ATP8A1: variants seen among roughly 807,000 people sequenced by gnomAD.
ATP8A1 encodes phospholipid-transporting ATPase IA.
A neutral mutation model predicts 177.7 loss-of-function variants in ATP8A1; 90 were observed. The observed-to-expected ratio is 0.51, with a 90% confidence interval of 0.43 to 0.60. The LOEUF is 0.60. Ranked by LOEUF, ATP8A1 falls within the 20% of genes least tolerant of loss-of-function variation. ATP8A1 has a pLI of 0.00. For missense variants in ATP8A1, 1,072 were observed against 1,392.8 expected (o/e 0.77, Z 3.67); for synonymous variants, 493 against 485.9 (o/e 1.01, Z -0.19).
chr4:42,417,120 G>A (rs1033759754), intron 35 of ATP8A1, among the ~76,000 whole-genome samples: 1 of 152,118 alleles, frequency 6.6e-6, no homozygotes, highest in Non-Finnish European at 1.5e-5. Context: ...TTCACAGGAG[G>A]TTGCTAAATA....
chr4:42,446,200 C>T (rs1156857752), intron 31 of ATP8A1, among the ~76,000 whole-genome samples: 1 of 151,676 alleles, frequency 6.6e-6, no homozygotes, highest in Non-Finnish European at 1.5e-5. Flanking sequence ...ACGCTCTGAT[C>T]TATTTCTACC....
At chr4:42,444,713 A>G in intron 31 of ATP8A1, 79 bp from the exon 32 acceptor site, 1 of 1,388,992 alleles carries the variant, frequency 7.2e-7, no homozygotes, top group Non-Finnish European at 1.0e-6. Context: ...TATAAAGAAC[A>G]GAGATCTCTG....
At position 42,616,061 on chromosome 4, in the gene ATP8A1, A is replaced by G. The variant is rs1451850749; in HGVS notation, c.381T>C (p.Asp127=). 1 of 1,612,114 alleles carries G rather than the reference A, an allele frequency of 6.2e-7. No homozygotes were observed. The change falls in exon 5 of 37, where the codon GAT becomes GAC. Residue 127 remains aspartate, a synonymous_variant. Coordinates refer to ENST00000381668, the MANE Select transcript of ATP8A1 (RefSeq NM_006095.2). ...GCGTTTGTTTCTTGTTCACTGCATT[A>G]TCAGCTTTATGTCGTTTCTAAAGTT... ...IIEDIKRHKA[D]NAVNKKQTQV...
chr4:42,425,317 GGCT>G (rs1714468453), intron 33 of ATP8A1, among the ~76,000 whole-genome samples: 1 of 152,156 alleles, frequency 6.6e-6, no homozygotes, highest in South Asian at 2.1e-4. Context: ...GGAGATTCAA[GGCT>G]GCTAATTCTG....
At chr4:42,615,122 C>A (rs1445235605) in intron 5 of ATP8A1, among the ~76,000 whole-genome samples, 1 of 152,090 alleles carries the variant, frequency 6.6e-6, no homozygotes, top group Non-Finnish European at 1.5e-5. Flanking sequence ...GTTGAAATTC[C>A]CGTCTTATAC....
intron 14 of ATP8A1, among the ~76,000 whole-genome samples, chr4:42,570,994 A>AAT (rs1322078491): frequency 6.6e-6 from 1 of 152,202 alleles, no homozygotes; most frequent in Non-Finnish European, 1.5e-5. Flanking sequence ...GGCAGGAGGA[A>AAT]ATCATGTGAA....
intron 1 of ATP8A1, among the ~76,000 whole-genome samples, chr4:42,631,438 G>C (rs1383184050): frequency 6.6e-6 from 1 of 152,196 alleles, no homozygotes; most frequent in Non-Finnish European, 1.5e-5. Context: ...AGATTGGCCT[G>C]TGTAGAAGTT....
rs543012261 is a variant in ATP8A1 at position 42,542,591 on chromosome 4, T to C, written c.1722+1326A>G. Among the ~76,000 whole-genome samples the C allele has an allele frequency of 2.9e-3, 437 of 152,138 alleles. 5 individuals carry two copies. The highest frequency in any genetic ancestry group is 0.01 in the African/African-American group (415 of 41,500). On this transcript the variant is annotated intron_variant, in intron 20 of 36. Transcript: ENST00000381668. ...TATTTCTCCTAATGCTATCCCTCCC[T>C]CAGCCCCCCACCCTGCAACGGTGTG...
chr4:42,507,666 T>A (rs1204297694), intron 22 of ATP8A1, among the ~76,000 whole-genome samples: 1 of 134,938 alleles, frequency 7.4e-6, no homozygotes, highest in Non-Finnish European at 1.5e-5. Context: ...GAGGCAGGGG[T>A]TGCAGGTGAG....
At chr4:42,623,680 T>C (rs966800055) in intron 4 of ATP8A1, among the ~76,000 whole-genome samples, 4 of 152,114 alleles carry the variant, frequency 2.6e-5, no homozygotes, top group Admixed American at 6.5e-5. Context: ...GAACACCACA[T>C]ACTGAGGCGC....
At chr4:42,542,443 A>T (rs1262323629) in intron 20 of ATP8A1, among the ~76,000 whole-genome samples, 1 of 152,030 alleles carries the variant, frequency 6.6e-6, no homozygotes, top group Non-Finnish European at 1.5e-5. Flanking sequence ...TTTAAAAAAA[A>T]TTATTTATTT....
At chr4:42,536,791 C>T (rs914285600) in intron 20 of ATP8A1, among the ~76,000 whole-genome samples, 1 of 152,158 alleles carries the variant, frequency 6.6e-6, no homozygotes, top group African/African-American at 2.4e-5. Flanking sequence ...GGTTTAACAT[C>T]TGCAAGTCAA....
At chr4:42,413,517 CG>C (rs1482255737) in intron 36 of ATP8A1, among the ~76,000 whole-genome samples, 1 of 152,166 alleles carries the variant, frequency 6.6e-6, no homozygotes, top group African/African-American at 2.4e-5. Context: ...TCAAAATCCA[CG>C]GATGCTTAAA....
At chr4:42,564,194 G>A (rs1731129414) in intron 15 of ATP8A1, among the ~76,000 whole-genome samples, 1 of 152,178 alleles carries the variant, frequency 6.6e-6, no homozygotes, top group Non-Finnish European at 1.5e-5. Context: ...TTGCTATAGG[G>A]GTGGGTCCCT....
intron 14 of ATP8A1, among the ~76,000 whole-genome samples, chr4:42,570,439 G>A (rs1007631885): frequency 1.3e-5 from 2 of 152,210 alleles, no homozygotes; most frequent in African/African-American, 4.8e-5. Flanking sequence ...CTAGCCCATG[G>A]ACTGTGCCAG....
intron 24 of ATP8A1, among the ~76,000 whole-genome samples, chr4:42,493,295 T>C (rs528551180): frequency 3.3e-5 from 5 of 152,288 alleles, no homozygotes; most frequent in African/African-American, 9.6e-5. Flanking sequence ...ATGTACAGTA[T>C]GGTAAAGATA....
chr4:42,612,325 A>G (rs974919812), intron 5 of ATP8A1, among the ~76,000 whole-genome samples: 1 of 151,012 alleles, frequency 6.6e-6, no homozygotes, highest in Non-Finnish European at 1.5e-5. Context: ...TAACATGCAC[A>G]CAGAGAGCAC....
At chr4:42,477,707 C>T (rs1000433035) in intron 25 of ATP8A1, among the ~76,000 whole-genome samples, 1 of 151,326 alleles carries the variant, frequency 6.6e-6, no homozygotes, top group Non-Finnish European at 1.5e-5. Context: ...CGCAGTGGCT[C>T]ACGCCTGTAA....
At chr4:42,433,450 T>C (rs1715529827) in intron 33 of ATP8A1, among the ~76,000 whole-genome samples, 1 of 152,162 alleles carries the variant, frequency 6.6e-6, no homozygotes, top group African/African-American at 2.4e-5. Flanking sequence ...TCCATAAATC[T>C]CAGTTTAATT....
Sources: allele counts gnomAD v4.1 joint callset (sites outside exome capture counted in the v4.1 genomes callset), GRCh38; gene constraint gnomAD v4.1.1; transcripts MANE v1.5; gene names NCBI Gene and HGNC (gene_info 2026-07-23, HGNC 2026-07-21).